ERC1: variants seen among roughly 807,000 people sequenced by gnomAD.
ERC1 encodes ELKS/RAB6-interacting/CAST family member 1, also known as RAB6 interacting protein 2.
In ERC1, 56 loss-of-function variants were observed where a neutral mutation model predicts 132.0. That is an observed-to-expected ratio of 0.42 (90% CI 0.34 to 0.53). ERC1 has a LOEUF of 0.53. ERC1 is among the 20% of genes least tolerant of loss of function. ERC1 has a pLI of 0.03. For missense variants in ERC1, 1,202 were observed against 1,349.9 expected (o/e 0.89, Z 1.72); for synonymous variants, 478 against 476.1 (o/e 1.00, Z -0.05).
intron 16 of ERC1, among the ~76,000 whole-genome samples, chr12:1,383,908 G>A (rs1176006135): frequency 6.6e-6 from 1 of 152,122 alleles, no homozygotes; most frequent in Non-Finnish European, 1.5e-5. Context: ...CCTCAGAAGT[G>A]GAGTTATCCT....
chr12:1,438,954 A>ATATATATATATATATATATATATAT (rs1555093208), intron 17 of ERC1, among the ~76,000 whole-genome samples: 1 of 143,492 alleles, frequency 7.0e-6, no homozygotes, highest in African/African-American at 2.6e-5. Context: ...TTTAAAAAAA[A>ATATATATATATATATATATATATAT]ATATATATAT....
intron 2 of ERC1, among the ~76,000 whole-genome samples, chr12:1,030,420 A>G (rs1200029856): frequency 1.3e-5 from 2 of 152,240 alleles, no homozygotes; most frequent in Non-Finnish European, 2.9e-5. Context: ...CTGTGGTCCC[A>G]TAAGATTACA....
chr12:1,465,350 A>G (rs1169941014), intron 18 of ERC1, among the ~76,000 whole-genome samples: 1 of 152,176 alleles, frequency 6.6e-6, no homozygotes, highest in Non-Finnish European at 1.5e-5. Flanking sequence ...AAACTTTTAA[A>G]TTGTTTACAA....
intron 14 of ERC1, among the ~76,000 whole-genome samples, chr12:1,272,946 TA>T (rs56750908): frequency 0.031 from 2,688 of 87,642 alleles, 75 homozygotes; most frequent in African/African-American, 0.12. Flanking sequence ...AGACTCCGTC[TA>T]AAAAAAAAAA....
intron 15 of ERC1, among the ~76,000 whole-genome samples, chr12:1,369,682 T>C (rs1209609205): frequency 6.6e-6 from 1 of 152,140 alleles, no homozygotes. Flanking sequence ...TTTCACCACT[T>C]AACATATTTT....
At chr12:1,262,772 T>C (rs2286035) in intron 13 of ERC1, among the ~76,000 whole-genome samples, 44,538 of 152,160 alleles carry the variant, frequency 0.29, 6,812 homozygotes, top group Non-Finnish European at 0.34. Flanking sequence ...CACAGTTTTG[T>C]TCTCTCTGTT....
chr12:1,444,719 A>G lies in ERC1; in HGVS notation c.3182A>G (p.Glu1061Gly). 1 of 1,613,992 alleles carries G rather than the reference A, an allele frequency of 6.2e-7. No individual in the cohort carries two copies. Among genetic ancestry groups the G allele is most frequent in the Non-Finnish European group, 8.5e-7 (1 of 1,179,994 alleles). The change falls in exon 18 of 19, where the codon GAG becomes GGG. Residue 1061 changes from glutamate to glycine, a missense_variant. Physicochemically the swap from Glu to Gly is moderately conservative, Grantham distance 98. Coordinates refer to ENST00000360905, the MANE Select transcript of ERC1 (RefSeq NM_178040.4). ...YNLDDDQAAW[E>G]NELQKMTRGQ... ...TTGGACGATGACCAGGCGGCTTGGG[A>G]GAATGAGCTGCAGAAGATGACCCGG...
chr12:1,117,620 C>T (rs1946590700), intron 7 of ERC1, among the ~76,000 whole-genome samples: 1 of 152,152 alleles, frequency 6.6e-6, no homozygotes, highest in African/African-American at 2.4e-5. Context: ...TCACTTTTCA[C>T]GTCTGTAAGG....
chr12:1,259,506 C>CTT (rs2077008343), intron 13 of ERC1, among the ~76,000 whole-genome samples: 2 of 123,272 alleles, frequency 1.6e-5, no homozygotes, highest in African/African-American at 7.2e-5. Flanking sequence ...TCTTGGGTAT[C>CTT]TCTTTCTTTC....
intron 12 of ERC1, among the ~76,000 whole-genome samples, chr12:1,208,698 T>G (rs894649795): frequency 1.3e-5 from 2 of 152,194 alleles, no homozygotes; most frequent in African/African-American, 4.8e-5. Context: ...CAGTTGTGTC[T>G]TCTTTTGATT....
chr12:1,038,226 T>C (rs1447857788), intron 2 of ERC1, among the ~76,000 whole-genome samples: 1 of 152,132 alleles, frequency 6.6e-6, no homozygotes, highest in Non-Finnish European at 1.5e-5. Context: ...CATCAAGTGG[T>C]ACTTTGTGGA....
chr12:1,027,873 T>C lies in ERC1; in HGVS notation c.-31T>C. ...ATTTTTGTTGTTGTTGTTGTTGATTTTCTGCTCACACCTTTCCTGACCTTG... is the reference window on the plus strand; with the variant it reads ...ATTTTTGTTGTTGTTGTTGTTGATTCTCTGCTCACACCTTTCCTGACCTTG... On this transcript the variant is annotated 5_prime_UTR_variant, in exon 2 of 19. Coordinates refer to ENST00000360905, the MANE Select transcript of ERC1 (RefSeq NM_178040.4). 2 of 1,549,368 alleles carry C rather than the reference T, an allele frequency of 1.3e-6. No individual in the cohort carries two copies. The highest frequency in any genetic ancestry group is 1.7e-6 in the Non-Finnish European group (2 of 1,147,006).
intron 2 of ERC1, among the ~76,000 whole-genome samples, chr12:1,072,532 G>A (rs924213362): frequency 2.6e-5 from 4 of 151,772 alleles, no homozygotes; most frequent in East Asian, 1.9e-4. Flanking sequence ...AGTCTCAGAC[G>A]CATCTTATTT....
chr12:1,471,429 T>G (rs866612467), intron 18 of ERC1, among the ~76,000 whole-genome samples: 1 of 152,164 alleles, frequency 6.6e-6, no homozygotes, highest in Non-Finnish European at 1.5e-5. Context: ...AGTTAGAAAT[T>G]AAGATATGAG....
chr12:1,212,306 G>A (rs562962190), intron 12 of ERC1, among the ~76,000 whole-genome samples: 83 of 151,892 alleles, frequency 5.5e-4, no homozygotes, highest in Non-Finnish European at 9.9e-4. Flanking sequence ...GTTTTTGTTC[G>A]TAGTTCTTCT....
chr12:1,192,663 C>G (rs1955852092), intron 12 of ERC1, among the ~76,000 whole-genome samples: 1 of 152,066 alleles, frequency 6.6e-6, no homozygotes, highest in Admixed American at 6.5e-5. Context: ...TGTCCCTGTA[C>G]CATCAGGGGG....
At chr12:1,450,262 T>C (rs963352837) in intron 18 of ERC1, among the ~76,000 whole-genome samples, 1 of 152,246 alleles carries the variant, frequency 6.6e-6, no homozygotes, top group Non-Finnish European at 1.5e-5. Flanking sequence ...CACCACCATC[T>C]ATCTCTGTAG....
rs1284105094 is a variant in ERC1, at chr12:1,112,277, A to G, written c.1380A>G (p.Lys460=). 1 of 1,613,084 alleles carries G rather than the reference A, an allele frequency of 6.2e-7. No homozygotes were observed. Among genetic ancestry groups the G allele is most frequent in the South Asian group, 1.1e-5 (1 of 91,060 alleles). Residue 460 remains lysine (K), a synonymous_variant, in exon 6 of 19, where the codon AAA becomes AAG. Transcript: ENST00000360905. ...CTCAATGGGAGGAGCTGAAAAAGAA[A>G]GCGGCTGGTCTTCAGGCTGAGGTCT... ...KEAQWEELKK[K]AAGLQAEIGQ... is the part of the protein sequence containing the mutation.
intron 7 of ERC1, among the ~76,000 whole-genome samples, chr12:1,137,375 G>A (rs1049014062): frequency 7.9e-5 from 12 of 151,212 alleles, no homozygotes; most frequent in South Asian, 2.1e-4. Context: ...GGGATTACAG[G>A]TGTGAGCCAC....
Sources: gnomAD v4.1 joint callset for allele counts (sites outside exome capture counted in the v4.1 genomes callset) on GRCh38, gnomAD v4.1.1 for gene constraint, MANE v1.5 for transcripts, NCBI Gene and HGNC (gene_info 2026-07-23, HGNC 2026-07-21) for gene names.